ESPN: variants seen among roughly 807,000 people sequenced by gnomAD.
ESPN encodes espin.
ESPN carries 68 observed loss-of-function variants against 77.7 expected under a neutral mutation model. The observed-to-expected ratio is 0.87, with a 90% confidence interval of 0.72 to 1.07. The LOEUF is 1.07. ESPN is among the 50% of genes least tolerant of loss of function. ESPN has a pLI of 0.00. For missense variants in ESPN, 1,060 were observed against 1,239.0 expected (o/e 0.86, Z 2.17); for synonymous variants, 449 against 567.1 (o/e 0.79, Z 2.96).
In ESPN at chr1:6,440,645, G is replaced by A; in HGVS notation, c.695G>A (p.Ser232Asn). The change falls in exon 4 of 13, where the codon AGC (serine) becomes AAC (asparagine). Residue 232 changes from serine to asparagine, a missense_variant. Ser to Asn is a conservative substitution (Grantham distance 46). This residue lies in a region of ESPN where 556 missense variants were observed against 633.6 expected (regional missense o/e 0.88). Coordinates refer to ENST00000645284, the MANE Select transcript of ESPN (RefSeq NM_031475.3). ...GCCCAGGTGAGCTGCACCGACGTGA[G>A]CCTGTCCGAGCAGGACAAAGACGGC... ...IVWLVSCTDV[S>N]LSEQDKDGAT... The A allele has an allele frequency of 1.3e-6, 2 of 1,517,510 alleles. No individual in the cohort carries two copies. The allele number at this position is 1,517,510 out of a possible 1,614,324, so 94.0% of individuals were successfully genotyped here.
At chr1:6,455,147 G>A (rs557991376) in intron 10 of ESPN, 4 of 388,444 alleles carry the variant, frequency 1.0e-5, no homozygotes, top group African/African-American at 8.3e-5. Context: ...GGGAGCCCCT[G>A]GGCACCCTGG....
intron 2 of ESPN, among the ~76,000 whole-genome samples, chr1:6,429,079 G>A (rs1341811167): frequency 1.1e-4 from 16 of 142,134 alleles, no homozygotes; most frequent in African/African-American, 4.0e-4. Flanking sequence ...AGAGCAGGGG[G>A]CATGTGTGAG....
intron 10 of ESPN, chr1:6,455,759 G>A (rs2148546101): frequency 5.0e-6 from 2 of 399,036 alleles, no homozygotes; most frequent in Admixed American, 4.4e-5. Flanking sequence ...ACCCGTGGGA[G>A]CGCATCCGCC....
chr1:6,448,746 G>C lies in ESPN; in HGVS notation c.1570G>C (p.Gly524Arg), dbSNP rs1199524737. The C allele has an allele frequency of 4.1e-6, 6 of 1,472,940 alleles. No homozygotes were observed. The Admixed American group carries it at 1.4e-4, about 35-fold the overall frequency. The allele number at this position is 1,472,940 out of a possible 1,614,324, so 91.2% of individuals were successfully genotyped here. The change falls in exon 8 of 13, where the codon GGC becomes CGC. Residue 524 changes from glycine (G) to arginine (R), a missense_variant. This residue lies in a region of ESPN where 130 missense variants were observed against 223.9 expected (regional missense o/e 0.58). Transcript: ENST00000645284. ...CACGGGGGACTACTACCGGCAGCTGGGCCGCTGCCCCGGCGAGACGCTGGC... is the reference window on the plus strand; with the variant it reads ...CACGGGGGACTACTACCGGCAGCTGCGCCGCTGCCCCGGCGAGACGCTGGC... ...PSTGDYYRQLGRCPGETLAAR... is the reference protein window; with the variant it reads ...PSTGDYYRQLRRCPGETLAAR...
chr1:6,454,328 G>A (rs1190243827), intron 10 of ESPN: 19 of 398,032 alleles, frequency 4.8e-5, no homozygotes, highest in Middle Eastern at 6.2e-4. Context: ...CAGCCCCGCG[G>A]AGCCATTACA....
intron 12 of ESPN, among the ~76,000 whole-genome samples, chr1:6,457,736 G>A (rs1644081337): frequency 1.3e-5 from 2 of 152,146 alleles, no homozygotes; most frequent in Non-Finnish European, 2.9e-5. Context: ...AAATTTTCTA[G>A]TAGCCACAGT....
chr1:6,453,363 T>C (rs976946593), intron 10 of ESPN, among the ~76,000 whole-genome samples: 1 of 152,220 alleles, frequency 6.6e-6, no homozygotes, highest in African/African-American at 2.4e-5. Flanking sequence ...CCTGGGCTGA[T>C]GCAACACAGC....
At position 6,450,544 on chromosome 1, in the gene ESPN, C is replaced by G. The variant is rs1199762004; in HGVS notation, c.1916-1059C>G. On this transcript the variant is annotated intron_variant, in intron 8 of 12. Transcript: ENST00000645284. The surrounding 1 kb of genome is among the most constrained non-coding windows in gnomAD (Gnocchi z 4.3). ...GGGGGAAGAGGCAGGAAAAGCAAGG[C>G]AGAAGGGGCCCAGACTTGAGGAAAG... The G allele has an allele frequency of 1.3e-6, 1 of 792,516 alleles. No homozygotes were observed. Among genetic ancestry groups the G allele is most frequent in the African/African-American group, 1.9e-5 (1 of 53,372 alleles). The allele number at this position is 792,516 out of a possible 1,614,324, so 49.1% of individuals were successfully genotyped here.
At position 6,437,575 on chromosome 1, in the gene ESPN, T is replaced by G. The variant is rs914358063; in HGVS notation, c.489-2679T>G. 2 of 152,256 alleles carry G rather than the reference T, an allele frequency of 1.3e-5. No homozygotes were observed. Among genetic ancestry groups the G allele is most frequent in the African/African-American group, 4.8e-5 (2 of 41,464 alleles). 9.4% of individuals were successfully genotyped at this position (152,256 alleles called of 1,614,324 possible). ...TGGCAGCCACGAGCCAGCATGTTTC[T>G]GAAGATAGATACGTAGCTGTGTCTT... On this transcript the variant is annotated intron_variant, in intron 2 of 12. Transcript: ENST00000645284. The surrounding 1 kb of genome is among the most constrained non-coding windows in gnomAD (Gnocchi z 4.5).
At position 6,428,116 on chromosome 1, in the gene ESPN, A is replaced by G; in HGVS notation, c.295-110A>G. The G allele has an allele frequency of 8.4e-7, 1 of 1,186,674 alleles. No individual in the cohort carries two copies. The highest frequency in any genetic ancestry group is 1.2e-5 in the South Asian group (1 of 80,584). The allele number at this position is 1,186,674 out of a possible 1,614,324, so 73.5% of individuals were successfully genotyped here. ...GAGGCCTGGCCAATCCCTCCAGGGA[A>G]GACAGAGAGCACAGAGCTACCTTCC... On this transcript the variant is annotated intron_variant, in intron 1 of 12. Transcript: ENST00000645284. This position sits in a 1 kb window ranked among gnomAD's most constrained non-coding sequence, Gnocchi z 5.4.
At chr1:6,434,447 CGTCT>C (rs1643360666) in intron 2 of ESPN, among the ~76,000 whole-genome samples, 2 of 152,312 alleles carry the variant, frequency 1.3e-5, no homozygotes, top group South Asian at 4.1e-4. Flanking sequence ...CTCCAGTAAA[CGTCT>C]GCTGAATGAG....
rs969059568 is a variant in ESPN at position 6,425,179 on chromosome 1, A to G, written c.224A>G (p.His75Arg). ...GCCCGCAACGGCGCCACACCGGCCC[A>G]CGACGCCTCCGCCACCGGCCACCTC... Reference protein sequence around the residue: ...ARARNGATPAHDASATGHLAC... With the variant: ...ARARNGATPARDASATGHLAC... The change falls in exon 1 of 13, where the codon CAC becomes CGC. Residue 75 changes from histidine (H) to arginine (R), a missense_variant. This residue lies in a region of ESPN where 556 missense variants were observed against 633.6 expected (regional missense o/e 0.88). Coordinates refer to ENST00000645284, the MANE Select transcript of ESPN (RefSeq NM_031475.3). 3.9e-6 allele frequency: 6 copies of G among 1,535,960 alleles called. No homozygotes were observed. The highest frequency in any genetic ancestry group is 3.9e-5 in the Admixed American group (2 of 51,934).
rs915123686 is a variant in ESPN at position 6,451,424 on chromosome 1, C to T, written c.1916-179C>T. On this transcript the variant is annotated intron_variant, in intron 8 of 12. Coordinates refer to ENST00000645284, the MANE Select transcript of ESPN (RefSeq NM_031475.3). The surrounding 1 kb of genome is among the most constrained non-coding windows in gnomAD (Gnocchi z 4.3). Reference sequence around the variant, plus strand: ...TGCCACAGTCAGGGAACCAAGGGCCCGCCTCTGGGGGCCCTGAAACCTGCC... The same window carrying T: ...TGCCACAGTCAGGGAACCAAGGGCCTGCCTCTGGGGGCCCTGAAACCTGCC... 6.0e-5 allele frequency: 48 copies of T among 805,122 alleles called. No homozygotes were observed. The highest frequency in any genetic ancestry group is 4.8e-4 in the African/African-American group (28 of 57,924). The allele number at this position is 805,122 out of a possible 1,614,324, so 49.9% of individuals were successfully genotyped here.
chr1:6,456,220 G>A (rs1418679047), intron 10 of ESPN: 7 of 396,510 alleles, frequency 1.8e-5, no homozygotes, highest in Non-Finnish European at 3.1e-5. Context: ...GGAATTCTCA[G>A]TTCACCCTCG....
Position 6,458,932 on chromosome 1 carries a change from C to CA in ESPN, c.2418-1052dup, listed in dbSNP as rs543092506. Among the ~76,000 whole-genome samples, 250 of 113,864 alleles carry CA rather than the reference C, an allele frequency of 2.2e-3. 2 individuals carry two copies. The South Asian group carries it at 0.027, about 12-fold the overall frequency. 74.7% of individuals were successfully genotyped at this position (113,864 alleles called of 152,430 possible). A position where few individuals can be genotyped will look rare whatever the true frequency, so the allele number is the denominator to read the frequency against. On this transcript the variant is annotated intron_variant, in intron 12 of 12. Coordinates refer to ENST00000645284, the MANE Select transcript of ESPN (RefSeq NM_031475.3). The stretch of plus-strand genomic sequence containing the variant: ...TGGGCAACAGAGTGAGACTCCATTT[C>CA]AAAAAAAAAAAAAAATTAGCTGGGC...
At chr1:6,459,232 C>G (rs1301474463) in intron 12 of ESPN, among the ~76,000 whole-genome samples, 1 of 146,082 alleles carries the variant, frequency 6.8e-6, no homozygotes, top group East Asian at 1.9e-4. Flanking sequence ...CAGAGCGAGA[C>G]TCTGTCTCAA....
At chr1:6,433,586 A>G (rs149888702) in intron 2 of ESPN, among the ~76,000 whole-genome samples, 1,756 of 151,096 alleles carry the variant, frequency 0.012, 17 homozygotes, top group Non-Finnish European at 0.017. Context: ...CAGCCTGGGC[A>G]ACAGAGCAAG....
At chr1:6,458,978 C>T (rs1473828523) in intron 12 of ESPN, among the ~76,000 whole-genome samples, 3 of 141,698 alleles carry the variant, frequency 2.1e-5, no homozygotes, top group South Asian at 2.3e-4. Flanking sequence ...CGGTGGCTCA[C>T]GCCTGTAATC....
chr1:6,447,611 G>T lies in ESPN; in HGVS notation c.1465-1030G>T, dbSNP rs1336109166. On this transcript the variant is annotated intron_variant, in intron 7 of 12. Coordinates refer to ENST00000645284, the MANE Select transcript of ESPN (RefSeq NM_031475.3). The surrounding 1 kb of genome is among the most constrained non-coding windows in gnomAD (Gnocchi z 5.2). Reference sequence around the variant, plus strand: ...GCCTAGTTGGGGGCAGCTGCGATGGGGTGGGAAGCCACGCTGTCACCCGAC... The same window carrying T: ...GCCTAGTTGGGGGCAGCTGCGATGGTGTGGGAAGCCACGCTGTCACCCGAC... Among the ~76,000 whole-genome samples, 1 of 152,222 alleles carries T rather than the reference G, an allele frequency of 6.6e-6. No homozygotes were observed. The highest frequency in any genetic ancestry group is 1.5e-5 in the Non-Finnish European group (1 of 68,048).
Sources: allele counts gnomAD v4.1 joint callset (sites outside exome capture counted in the v4.1 genomes callset), GRCh38; gene constraint gnomAD v4.1.1; regional missense constraint gnomAD v4.1.1; non-coding constraint Gnocchi (gnomAD v3.1); transcripts MANE v1.5; gene names NCBI Gene and HGNC (gene_info 2026-07-23, HGNC 2026-07-21).